The following DDX31 variants were observed in gnomAD, a reference collection of about 807,000 sequenced individuals.
The protein encoded by DDX31 is DEAD-box helicase 31.
In DDX31, 70 loss-of-function variants were observed where a neutral mutation model predicts 91.3. The observed-to-expected ratio is 0.77, with a 90% CI of 0.63 to 0.94. The LOEUF (loss-of-function observed/expected upper bound fraction) is 0.94, where lower values mean the gene tolerates loss of function less well. DDX31 is among the 40% of genes least tolerant of loss of function. The pLI is 0.00. For missense variants in DDX31, 902 were observed against 925.0 expected (o/e 0.98, Z 0.32); for synonymous variants, 362 against 350.6 (o/e 1.03, Z -0.36).
chr9:132,664,157 G>A (rs868232248), intron 1 of DDX31, among the ~76,000 whole-genome samples: 1 of 152,302 alleles, frequency 6.6e-6, no homozygotes, highest in Middle Eastern at 3.4e-3. Flanking sequence ...CTGCATCCTT[G>A]AACATCTACC....
rs367878457 is a variant in DDX31, at chr9:132,595,073, G to A, written c.2034C>T (p.Leu678=). Residue 678 remains leucine, a synonymous_variant, in exon 20 of 20, where the codon CTC becomes CTT. Coordinates refer to ENST00000372159, the MANE Select transcript of DDX31 (RefSeq NM_022779.9). This position sits in a 1 kb window ranked among gnomAD's most constrained non-coding sequence, Gnocchi z 4.6. ...AGTATTCCGAACGTAGGATTTCAGC[G>A]AGGCTGTGTTTACTCTGGGTCTTCT... is the stretch of plus-strand genomic sequence containing the variant. The part of the protein sequence containing the change: ...LHKKTQSKHS[L]AEILRSEYSS... 74 of 1,614,102 alleles carry A rather than the reference G, an allele frequency of 4.6e-5. No individual in the cohort carries two copies. The highest frequency in any genetic ancestry group is 4.3e-4 in the Admixed American group (26 of 60,008).
intron 1 of DDX31, among the ~76,000 whole-genome samples, chr9:132,664,716 C>CA (rs10668095): frequency 0.46 from 44,395 of 97,268 alleles, 10,454 homozygotes; most frequent in African/African-American, 0.57. Flanking sequence ...GACCCTCGCT[C>CA]AAAAAAAAAA....
intron 17 of DDX31, among the ~76,000 whole-genome samples, chr9:132,625,276 A>T (rs1025780782): frequency 3.3e-5 from 5 of 152,190 alleles, no homozygotes; most frequent in African/African-American, 9.7e-5. Flanking sequence ...AGACACAGAG[A>T]TACTTATTTC....
intron 11 of DDX31, 112 bp downstream of exon 11, chr9:132,648,077 T>C: frequency 1.2e-6 from 1 of 821,524 alleles, no homozygotes; most frequent in South Asian, 1.8e-5. Flanking sequence ...GCTCTCTCCC[T>C]GCCCCCACCT....
At chr9:132,602,182 A>G (rs1303616372) in intron 19 of DDX31, among the ~76,000 whole-genome samples, 1 of 152,248 alleles carries the variant, frequency 6.6e-6, no homozygotes, top group Non-Finnish European at 1.5e-5. Flanking sequence ...CAGAAGCTCT[A>G]ATGGCAAGCC....
intron 19 of DDX31, among the ~76,000 whole-genome samples, chr9:132,598,483 C>T (rs530027080): frequency 2.0e-5 from 3 of 152,230 alleles, no homozygotes; most frequent in African/African-American, 7.2e-5. Flanking sequence ...CTGAATAAAC[C>T]CCCCCTCAGT....
intron 19 of DDX31, among the ~76,000 whole-genome samples, chr9:132,602,880 A>G (rs1830793698): frequency 6.6e-6 from 1 of 152,246 alleles, no homozygotes; most frequent in Non-Finnish European, 1.5e-5. Context: ...ACGAGTAGTT[A>G]TCTCCTTGTG....
At position 132,648,289 on chromosome 9, in the gene DDX31, C is replaced by G. The variant is rs1833959464; in HGVS notation, c.867G>C (p.Leu289Phe). The change falls in exon 11 of 20, where the codon TTG becomes TTC. Residue 289 changes from leucine to phenylalanine, a missense_variant. Transcript: ENST00000372159. ...TGATGTCCTTTTCAAAACCCAAATC[C>G]AAGATTCTGTGATTGTAAAAAAAAA... ...WLVFDEADRI[L>F]DLGFEKDITV... 6.2e-7 allele frequency: 1 copy of G among 1,609,580 alleles called. No individual in the cohort carries two copies. Among genetic ancestry groups the G allele is most frequent in the Admixed American group, 1.7e-5 (1 of 59,184 alleles).
At chr9:132,597,615 T>C (rs1465162262) in intron 19 of DDX31, among the ~76,000 whole-genome samples, 1 of 152,214 alleles carries the variant, frequency 6.6e-6, no homozygotes, top group African/African-American at 2.4e-5. Context: ...GAGTGACTGA[T>C]ACACTAATTG....
intron 4 of DDX31, among the ~76,000 whole-genome samples, chr9:132,660,072 A>G (rs1834837018): frequency 6.6e-6 from 1 of 152,204 alleles, no homozygotes; most frequent in Admixed American, 6.5e-5. Context: ...GCAGTGGCTC[A>G]CACCTGTAAT....
intron 17 of DDX31, among the ~76,000 whole-genome samples, chr9:132,620,312 C>T (rs1564292533): frequency 6.6e-6 from 1 of 151,778 alleles, no homozygotes; most frequent in Non-Finnish European, 1.5e-5. Flanking sequence ...TGACTTGCTT[C>T]TGTGTCACAA....
At chr9:132,602,742 T>C (rs1830787450) in intron 19 of DDX31, among the ~76,000 whole-genome samples, 1 of 152,202 alleles carries the variant, frequency 6.6e-6, no homozygotes, top group Admixed American at 6.5e-5. Flanking sequence ...TTTATTCACT[T>C]ACAAAAGCTA....
intron 13 of DDX31, among the ~76,000 whole-genome samples, chr9:132,643,978 T>C (rs1421585964): frequency 6.6e-6 from 1 of 151,318 alleles, no homozygotes; most frequent in Non-Finnish European, 1.5e-5. Flanking sequence ...ATGCAAATAG[T>C]AACGTCTATC....
chr9:132,623,860 G>A (rs774792253), intron 17 of DDX31, among the ~76,000 whole-genome samples: 10 of 151,940 alleles, frequency 6.6e-5, no homozygotes, highest in Non-Finnish European at 1.5e-4. Flanking sequence ...AAGTATCTGG[G>A]GGAACATTAA....
At chr9:132,609,614 G>A (rs1367697183) in intron 19 of DDX31, among the ~76,000 whole-genome samples, 1 of 152,114 alleles carries the variant, frequency 6.6e-6, no homozygotes, top group Non-Finnish European at 1.5e-5. Flanking sequence ...AAACAAAGAT[G>A]TGTGTTTCTT....
Position 132,595,251 on chromosome 9 carries a change from T to C in DDX31, c.1995-139A>G. 1.9e-6 allele frequency: 2 copies of C among 1,054,646 alleles called. No individual in the cohort carries two copies. The highest frequency in any genetic ancestry group is 2.7e-6 in the Non-Finnish European group (2 of 748,816). 65.3% of individuals were successfully genotyped at this position (1,054,646 alleles called of 1,614,324 possible). On this transcript the variant is annotated intron_variant, in intron 19 of 19. Transcript: ENST00000372159. The surrounding 1 kb of genome is among the most constrained non-coding windows in gnomAD (Gnocchi z 4.6). ...AACAGAAGTACAATCCCTTCAATAG[T>C]ACTTGTTTTGATATTCGATGCACCA...
chr9:132,621,687 C>T (rs560682959), intron 17 of DDX31, among the ~76,000 whole-genome samples: 1 of 152,142 alleles, frequency 6.6e-6, no homozygotes, highest in African/African-American at 2.4e-5. Flanking sequence ...AAATTGAGGA[C>T]AGCAATTAAG....
At position 132,632,949 on chromosome 9, in the gene DDX31, T is replaced by A. The variant is rs143730562; in HGVS notation, c.1441-858A>T. ...GGAATTTCCCTGACTTTAGCATACA[T>A]CTGTACTCAGCATTCATTCTTCAAG... is the stretch of plus-strand genomic sequence containing the variant. On this transcript the variant is annotated intron_variant, in intron 14 of 19. Transcript: ENST00000372159. 4.4e-3 allele frequency among the ~76,000 whole-genome samples: 674 copies of A among 152,324 alleles called. 2 individuals are homozygous for A. Among genetic ancestry groups the A allele is most frequent in the Middle Eastern group, 6.8e-3 (2 of 294 alleles).
chr9:132,635,523 T>C (rs1424509515), intron 14 of DDX31, among the ~76,000 whole-genome samples: 1 of 149,750 alleles, frequency 6.7e-6, no homozygotes, highest in Admixed American at 6.7e-5. Context: ...GCAGTGGTCT[T>C]GATCTCCTGG....
Sources: gnomAD v4.1 joint callset for allele counts (sites outside exome capture counted in the v4.1 genomes callset) on GRCh38, gnomAD v4.1.1 for gene constraint, Gnocchi (gnomAD v3.1) non-coding constraint, MANE v1.5 for transcripts, NCBI Gene and HGNC (gene_info 2026-07-23, HGNC 2026-07-21) for gene names.